DYNC2I1: variants seen among roughly 807,000 people sequenced by gnomAD.
DYNC2I1 encodes the protein dynein 2 intermediate chain 1.
A neutral mutation model predicts 133.4 loss-of-function variants in DYNC2I1; 89 were observed. The observed-to-expected ratio is 0.67, with a 90% confidence interval of 0.56 to 0.80. DYNC2I1 has a LOEUF of 0.80. Ranked by LOEUF, DYNC2I1 falls within the 30% of genes least tolerant of loss-of-function variation. The probability of loss-of-function intolerance (pLI) is 0.00; values close to 1 mark genes in which losing one functional copy is unlikely to be tolerated. For missense variants in DYNC2I1, 1,291 were observed against 1,314.5 expected (o/e 0.98, Z 0.28); for synonymous variants, 504 against 484.3 (o/e 1.04, Z -0.54).
chr7:158,883,777 C>G (rs1357266625), intron 5 of DYNC2I1, among the ~76,000 whole-genome samples: 1 of 148,128 alleles, frequency 6.8e-6, no homozygotes, highest in African/African-American at 2.5e-5. Flanking sequence ...CATTCTCCTG[C>G]CTCAGCCTCC....
the DYNC2I1 span, among the ~76,000 whole-genome samples, chr7:158,848,933 A>C: frequency 6.6e-6 from 1 of 152,074 alleles, no homozygotes; most frequent in Non-Finnish European, 1.5e-5. Context: ...AAAAAAAAAA[A>C]AATTGGGTGG....
At chr7:158,929,346 G>A (rs1389499779) in intron 20 of DYNC2I1, among the ~76,000 whole-genome samples, 3 of 152,254 alleles carry the variant, frequency 2.0e-5, no homozygotes, top group East Asian at 3.8e-4. Context: ...GGGAGAGGGC[G>A]AGTGGTGGTG....
At chr7:158,904,460 C>T (rs1415060292) in intron 10 of DYNC2I1, 4 of 152,184 alleles carry the variant, frequency 2.6e-5, no homozygotes, top group Non-Finnish European at 5.9e-5. Context: ...TACACCATGG[C>T]GTTTGAAAGC....
chr7:158,851,142 T>C, the DYNC2I1 span, among the ~76,000 whole-genome samples: 1 of 152,330 alleles, frequency 6.6e-6, no homozygotes, highest in East Asian at 1.9e-4. Flanking sequence ...TGTGATTTTA[T>C]GATAATATAG....
At chr7:158,908,711 C>T (rs571596805) in intron 11 of DYNC2I1, among the ~76,000 whole-genome samples, 40 of 152,236 alleles carry the variant, frequency 2.6e-4, no homozygotes, top group South Asian at 1.0e-3. Flanking sequence ...AGAGATTTGC[C>T]GCAGCAGGAG....
intron 24 of DYNC2I1, among the ~76,000 whole-genome samples, chr7:158,942,711 G>A (rs1851493902): frequency 6.6e-6 from 1 of 152,190 alleles, no homozygotes; most frequent in Non-Finnish European, 1.5e-5. Flanking sequence ...TGTCTAAAGG[G>A]GGAAAGGAGG....
chr7:158,914,734 C>T (rs73512414), intron 14 of DYNC2I1, among the ~76,000 whole-genome samples: 1 of 152,262 alleles, frequency 6.6e-6, no homozygotes, highest in African/African-American at 2.4e-5. Context: ...TGGAACAGTC[C>T]TGTGAAGCTA....
At chr7:158,925,193 C>T (rs575722156) in intron 17 of DYNC2I1, among the ~76,000 whole-genome samples, 44 of 152,324 alleles carry the variant, frequency 2.9e-4, no homozygotes, top group African/African-American at 9.9e-4. Context: ...TTTCCTCAGT[C>T]GAGCCATCAG....
At chr7:158,923,437 C>T (rs1849286058) in intron 16 of DYNC2I1, 134 bp from the exon 17 acceptor site, 1 of 1,184,760 alleles carries the variant, frequency 8.4e-7, no homozygotes, top group Non-Finnish European at 1.2e-6. Flanking sequence ...AGTCTACGTT[C>T]TGCTTACTGG....
intron 5 of DYNC2I1, among the ~76,000 whole-genome samples, chr7:158,883,427 C>T (rs1844255452): frequency 6.6e-6 from 1 of 150,544 alleles, no homozygotes; most frequent in Non-Finnish European, 1.5e-5. Context: ...CCATGTTGGC[C>T]AGGCTGGCCT....
At chr7:158,949,442 AGGGTGCACCC>A (rs1486173398), downstream of DYNC2I1, among the ~76,000 whole-genome samples, 1 of 152,262 alleles carries the variant, frequency 6.6e-6, no homozygotes, top group African/African-American at 2.4e-5. Flanking sequence ...GACAAGAGGA[AGGGTGCACCC>A]GGCCCTGTCC....
the DYNC2I1 span, among the ~76,000 whole-genome samples, chr7:158,847,318 C>A: frequency 6.6e-6 from 1 of 152,030 alleles, no homozygotes. Flanking sequence ...AAAGAAAATG[C>A]ATTTTTTTCT....
At chr7:158,941,733 G>T (rs528271942) in intron 23 of DYNC2I1, among the ~76,000 whole-genome samples, 192 bp from the exon 24 acceptor site, 154 of 152,268 alleles carry the variant, frequency 1.0e-3, no homozygotes, top group South Asian at 2.1e-3. Flanking sequence ...GATATAAAAG[G>T]TGGGTGTAGT....
At chr7:158,952,444 A>C (rs920544489) in intron 4 of DYNC2I1, among the ~76,000 whole-genome samples, 1 of 152,314 alleles carries the variant, frequency 6.6e-6, no homozygotes, top group African/African-American at 2.4e-5. Flanking sequence ...GGGTTAGAGA[A>C]GGCCTCTTCC....
chr7:158,901,951 G>C, intron 9 of DYNC2I1, 135 bp downstream of exon 9: 1 of 671,120 alleles, frequency 1.5e-6, no homozygotes, highest in Non-Finnish European at 2.4e-6. Context: ...GGTTGATTTA[G>C]GTCAAGCTGT....
At chr7:158,892,327 TGTA>T (rs1178040438) in intron 8 of DYNC2I1, among the ~76,000 whole-genome samples, 6 of 152,230 alleles carry the variant, frequency 3.9e-5, no homozygotes, top group African/African-American at 9.6e-5. Flanking sequence ...ATACAATAAA[TGTA>T]GTATATGTTA....
chr7:158,893,513 G>A (rs1026915333), intron 8 of DYNC2I1, among the ~76,000 whole-genome samples: 2 of 152,160 alleles, frequency 1.3e-5, no homozygotes, highest in African/African-American at 4.8e-5. Context: ...GTAATAAGGT[G>A]TTTAATATCT....
chr7:158,896,853 A>G (rs549773901), intron 8 of DYNC2I1, among the ~76,000 whole-genome samples: 17 of 141,178 alleles, frequency 1.2e-4, no homozygotes, highest in African/African-American at 4.1e-4. Flanking sequence ...TTCGTGAATG[A>G]TATTGGTCTG....
At chr7:158,935,317 G>A (rs1850642346) in intron 23 of DYNC2I1, among the ~76,000 whole-genome samples, 1 of 152,226 alleles carries the variant, frequency 6.6e-6, no homozygotes, top group South Asian at 2.1e-4. Flanking sequence ...TTGTCCTGTA[G>A]ACTCCAAGGT....
Sources: allele counts gnomAD v4.1 joint callset (sites outside exome capture counted in the v4.1 genomes callset), GRCh38; gene constraint gnomAD v4.1.1; transcripts MANE v1.5; gene names NCBI Gene and HGNC (gene_info 2026-07-23, HGNC 2026-07-21).